The following NIBAN2 variants were observed in gnomAD, a reference collection of about 807,000 sequenced individuals.
NIBAN2 encodes the protein niban apoptosis regulator 2.
In NIBAN2, 36 loss-of-function variants were observed where a neutral mutation model predicts 81.8. That is an observed-to-expected ratio of 0.44 (90% CI 0.34 to 0.58). The LOEUF (loss-of-function observed/expected upper bound fraction) is 0.58. Among genes scored for constraint, NIBAN2 ranks in the 20% least tolerant of loss-of-function variants. The pLI is 0.02. For synonymous variants in NIBAN2, 445 were observed against 441.6 expected (o/e 1.01, Z -0.10); for missense variants, 897 against 1,014.1 (o/e 0.88, Z 1.57).
intron 1 of NIBAN2, among the ~76,000 whole-genome samples, chr9:127,544,635 C>T (rs1837438642): frequency 6.6e-6 from 1 of 152,146 alleles, no homozygotes; most frequent in Non-Finnish European, 1.5e-5. Context: ...TCCCAAGCAG[C>T]TGGGATTACA....
rs1175255688 is a variant in NIBAN2 at position 127,545,878 on chromosome 9, C to T, written c.56-14100G>A. On this transcript the variant is annotated intron_variant, in intron 1 of 13. Transcript: ENST00000373312. This position sits in a 1 kb window ranked among gnomAD's most constrained non-coding sequence, Gnocchi z 4.7. ...AAAGCCCTCTCATCCCCTCCTGCCC[C>T]CCACCCCGCCTGCCTGGCAGCGGCC... is the stretch of plus-strand genomic sequence containing the variant. Among the ~76,000 whole-genome samples the T allele has an allele frequency of 6.6e-6, 1 of 152,232 alleles. No homozygotes were observed. Among genetic ancestry groups the T allele is most frequent in the African/African-American group, 2.4e-5 (1 of 41,470 alleles).
intron 1 of NIBAN2, among the ~76,000 whole-genome samples, chr9:127,552,015 A>C (rs927846400): frequency 1.3e-5 from 2 of 152,090 alleles, no homozygotes; most frequent in Admixed American, 6.5e-5. Context: ...TGGGCCTCCC[A>C]TGACTCTCCA....
intron 1 of NIBAN2, among the ~76,000 whole-genome samples, chr9:127,566,226 T>C (rs1404448953): frequency 1.3e-5 from 2 of 152,118 alleles, no homozygotes; most frequent in Non-Finnish European, 2.9e-5. Flanking sequence ...AAATTTGGGA[T>C]TGTTAGGCCC....
In NIBAN2 at chr9:127,531,688, T is replaced by G. The variant is rs201665892; in HGVS notation, c.146A>C (p.Glu49Ala). Residue 49 changes from glutamate to alanine, a missense_variant, in exon 2 of 14, where the codon GAG (glutamate) becomes GCG (alanine). Glu to Ala is a moderately radical substitution (Grantham distance 107, BLOSUM62 -1). This residue lies in a region of NIBAN2 where 209 missense variants were observed against 208.4 expected (regional missense o/e 1.00). Coordinates refer to ENST00000373312, the MANE Select transcript of NIBAN2 (RefSeq NM_022833.4). ...ALFNSMRHEIEGTGLPQAQLL... is the reference protein window; with the variant it reads ...ALFNSMRHEIAGTGLPQAQLL... ...CTGGGCCTGCGGCAGCCCCGTGCCC[T>G]CAATCTCATGGCGCATGCTGTTGAA... 3.1e-6 allele frequency: 5 copies of G among 1,613,950 alleles called. No individual in the cohort carries two copies. The Admixed American group carries it at 8.3e-5, about 27-fold the overall frequency.
chr9:127,550,323 T>C (rs1837553785), intron 1 of NIBAN2, among the ~76,000 whole-genome samples: 1 of 152,236 alleles, frequency 6.6e-6, no homozygotes, highest in African/African-American at 2.4e-5. Context: ...CCATTAAGCC[T>C]TGATAGAACT....
chr9:127,543,550 T>C (rs115289229), intron 1 of NIBAN2, among the ~76,000 whole-genome samples: 2,453 of 152,204 alleles, frequency 0.016, 63 homozygotes, highest in African/African-American at 0.044. Context: ...ATGGACTAAC[T>C]TGTCACCACA....
intron 1 of NIBAN2, among the ~76,000 whole-genome samples, chr9:127,532,538 C>T (rs929778847): frequency 2.0e-5 from 3 of 151,970 alleles, no homozygotes; most frequent in Non-Finnish European, 4.4e-5. Context: ...TGGTGGAAGG[C>T]GGAGGTTTCA....
At chr9:127,515,086 C>T (rs569572449) in intron 8 of NIBAN2, among the ~76,000 whole-genome samples, 11 of 152,290 alleles carry the variant, frequency 7.2e-5, no homozygotes, top group African/African-American at 2.6e-4. Flanking sequence ...ATTAGCCAGG[C>T]GTGGTGGCCT....
intron 1 of NIBAN2, among the ~76,000 whole-genome samples, chr9:127,552,692 T>TTTTG: frequency 7.1e-6 from 1 of 140,776 alleles, no homozygotes; most frequent in South Asian, 2.5e-4. Flanking sequence ...TCGTTTTTTT[T>TTTTG]TTTTTTTTTT....
In NIBAN2 at chr9:127,561,457, G is replaced by A. The variant is rs563589851; in HGVS notation, c.55+7363C>T. ...CCAACACTGTTCTGCGCTGACCAGGGGACTTGACCTTCATACCTTGAGATG... is the reference window on the plus strand; with the variant it reads ...CCAACACTGTTCTGCGCTGACCAGGAGACTTGACCTTCATACCTTGAGATG... On this transcript the variant is annotated intron_variant, in intron 1 of 13. Coordinates refer to ENST00000373312, the MANE Select transcript of NIBAN2 (RefSeq NM_022833.4). 3.9e-5 allele frequency among the ~76,000 whole-genome samples: 6 copies of A among 152,242 alleles called. No individual in the cohort carries two copies. In the East Asian group the frequency reaches 1.2e-3, roughly 29 times the overall value.
At chr9:127,550,047 T>A (rs1837547807) in intron 1 of NIBAN2, among the ~76,000 whole-genome samples, 1 of 152,040 alleles carries the variant, frequency 6.6e-6, no homozygotes, top group Non-Finnish European at 1.5e-5. Context: ...TGAGGGTGAG[T>A]GGGGACCGCC....
chr9:127,531,799 G>C (rs768102227), intron 1 of NIBAN2, 21 bp from the exon 2 acceptor site: 4 of 1,613,762 alleles, frequency 2.5e-6, no homozygotes, highest in Non-Finnish European at 3.4e-6. Context: ...AGGACAAGCA[G>C]GAGCTTGAGG....
Position 127,507,048 on chromosome 9 carries a change from C to T in NIBAN2, c.2038G>A (p.Glu680Lys), listed in dbSNP as rs1366501155. The T allele has an allele frequency of 1.3e-6, 2 of 1,582,770 alleles. No individual in the cohort carries two copies. Among genetic ancestry groups the T allele is most frequent in the East Asian group, 4.6e-5 (2 of 43,470 alleles). Residue 680 changes from glutamate (E) to lysine (K), a missense_variant, in exon 14 of 14, where the codon GAG (glutamate) becomes AAG (lysine). Physicochemically the swap from Glu to Lys is moderately conservative, Grantham distance 56. Around this residue, in one of 3 missense-constraint regions of NIBAN2, gnomAD observed 619 missense variants for 691.0 expected, o/e 0.90. Coordinates refer to ENST00000373312, the MANE Select transcript of NIBAN2 (RefSeq NM_022833.4). The surrounding 1 kb of genome is among the most constrained non-coding windows in gnomAD (Gnocchi z 6.8). ...GGGGCGGCCTTAGGCTGGGGACTCTCCCCAGCGGGGGCCCCGTTGAGCAGG... is the reference window on the plus strand; with the variant it reads ...GGGGCGGCCTTAGGCTGGGGACTCTTCCCAGCGGGGGCCCCGTTGAGCAGG... ...GPLLNGAPAGESPQPKAAPEA... is the reference protein window; with the variant it reads ...GPLLNGAPAGKSPQPKAAPEA...
upstream of NIBAN2, among the ~76,000 whole-genome samples, chr9:127,573,143 G>T (rs538584222): frequency 1.4e-4 from 22 of 152,274 alleles, no homozygotes; most frequent in Admixed American, 1.1e-3. Context: ...GAGAAGGCGT[G>T]ACAGGTAAAG....
rs564158259 is a variant in NIBAN2, at chr9:127,563,345, G to A, written c.55+5475C>T. The stretch of plus-strand genomic sequence containing the variant: ...ACACTTCGCCCCCAGGGGCTGACCC[G>A]GACCTTGGCTAAGGGCAGCGGCCCA... On this transcript the variant is annotated intron_variant, in intron 1 of 13. Transcript: ENST00000373312. The surrounding 1 kb of genome is among the most constrained non-coding windows in gnomAD (Gnocchi z 4.1). Among the ~76,000 whole-genome samples, 21 of 152,336 alleles carry A rather than the reference G, an allele frequency of 1.4e-4. No individual in the cohort carries two copies. Among genetic ancestry groups the A allele is most frequent in the African/African-American group, 4.1e-4 (17 of 41,574 alleles).
intron 1 of NIBAN2, among the ~76,000 whole-genome samples, chr9:127,549,955 G>A (rs1260507646): frequency 3.3e-5 from 5 of 152,120 alleles, no homozygotes; most frequent in Non-Finnish European, 7.4e-5. Context: ...AGGTGCCTGC[G>A]TGACCCCATT....
chr9:127,548,942 G>A (rs771940674), intron 1 of NIBAN2, among the ~76,000 whole-genome samples: 1 of 152,224 alleles, frequency 6.6e-6, no homozygotes. Context: ...AGATGCCCAG[G>A]ATAAGGGACC....
chr9:127,519,119 G>T lies in NIBAN2; in HGVS notation c.590-1178C>A, dbSNP rs536743902. ...GAACCCAGGAGGCAGAGGTTGCAGTGAGCCGAGATTGCGCCACTGCACTCT... is the reference window on the plus strand; with the variant it reads ...GAACCCAGGAGGCAGAGGTTGCAGTTAGCCGAGATTGCGCCACTGCACTCT... On this transcript the variant is annotated intron_variant, in intron 5 of 13. Transcript: ENST00000373312. Among the ~76,000 whole-genome samples the T allele has an allele frequency of 5.6e-5, 8 of 141,888 alleles. No individual in the cohort carries two copies. The South Asian group carries it at 1.8e-3, about 32-fold the overall frequency. 93.1% of individuals were successfully genotyped at this position (141,888 alleles called of 152,430 possible).
Position 127,523,733 on chromosome 9 carries a change from C to T in NIBAN2, c.535G>A (p.Glu179Lys), listed in dbSNP as rs1439442732. 5.6e-6 allele frequency: 9 copies of T among 1,614,012 alleles called. No individual in the cohort carries two copies. Among genetic ancestry groups the T allele is most frequent in the Non-Finnish European group, 7.6e-6 (9 of 1,179,990 alleles). Residue 179 changes from glutamate (E) to lysine (K), a missense_variant, in exon 5 of 14, where the codon GAG becomes AAG. Coordinates refer to ENST00000373312, the MANE Select transcript of NIBAN2 (RefSeq NM_022833.4). Reference sequence around the variant, plus strand: ...AGCACAGCCTGCCACTTGTCCTGCTCGGCTTCTGTCATCATGCAGAAGTAG... The same window carrying T: ...AGCACAGCCTGCCACTTGTCCTGCTTGGCTTCTGTCATCATGCAGAAGTAG... ...HYYFCMMTEA[E>K]QDKWQAVLQD... is the part of the protein sequence containing the mutation.
Sources: gnomAD v4.1 joint callset for allele counts (sites outside exome capture counted in the v4.1 genomes callset) on GRCh38, gnomAD v4.1.1 for gene constraint, gnomAD v4.1.1 regional missense constraint, Gnocchi (gnomAD v3.1) non-coding constraint, MANE v1.5 for transcripts, NCBI Gene and HGNC (gene_info 2026-07-23, HGNC 2026-07-21) for gene names.